Variants in KIF19 observed in about 807,000 individuals in gnomAD.
KIF19 encodes the protein kinesin-like protein KIF19.
KIF19 carries 98 observed loss-of-function variants against 106.6 expected under a neutral mutation model. That is an observed-to-expected ratio of 0.92 (90% CI 0.78 to 1.09). KIF19 has a LOEUF of 1.09. Among genes scored for constraint, KIF19 ranks in the 50% least tolerant of loss-of-function variants. The pLI is 0.00. For synonymous variants in KIF19, 516 were observed against 584.2 expected (o/e 0.88, Z 1.68); for missense variants, 1,373 against 1,414.3 (o/e 0.97, Z 0.47).
At chr17:74,344,432 A>T in intron 6 of KIF19, 84 bp downstream of exon 6, 1 of 1,541,186 alleles carries the variant, frequency 6.5e-7, no homozygotes, top group South Asian at 1.2e-5. Context: ...GAAGCCAGGG[A>T]GCTGCTCCCC....
Position 74,354,436 on chromosome 17 carries a change from T to A in KIF19, c.2583T>A (p.His861Gln), listed in dbSNP as rs1567925772. 6.2e-7 allele frequency: 1 copy of A among 1,611,070 alleles called. No homozygotes were observed. Among genetic ancestry groups the A allele is most frequent in the Middle Eastern group, 1.7e-4 (1 of 6,052 alleles). ...GEAPSRAVGH[H>Q]GDGPRPWLRG... ...CCCCGTCCCGGGCAGTCGGACATCATGGGGACGGCCCCAGGCCCTGGCTGC... is the reference window on the plus strand; with the variant it reads ...CCCCGTCCCGGGCAGTCGGACATCAAGGGGACGGCCCCAGGCCCTGGCTGC... Residue 861 changes from histidine (H) to glutamine (Q), a missense_variant, in exon 18 of 20, where the codon CAT (histidine) becomes CAA (glutamine). Coordinates refer to ENST00000389916, the MANE Select transcript of KIF19 (RefSeq NM_153209.4).
rs77990549 is a variant in KIF19 at position 74,346,471 on chromosome 17, G to C, written c.871G>C (p.Gly291Arg). ...CTGCATCAACGCCCTGAGCGACAAG[G>C]GTAGCAACAAGTACATCAACTATCG... ...GNCINALSDK[G>R]SNKYINYRDS... Residue 291 changes from glycine to arginine, a missense_variant, in exon 8 of 20, where the codon GGT (glycine) becomes CGT (arginine). This residue lies in a region of KIF19 where 1,020 missense variants were observed against 1,008.2 expected (regional missense o/e 1.01). Coordinates refer to ENST00000389916, the MANE Select transcript of KIF19 (RefSeq NM_153209.4). The surrounding 1 kb of genome is among the most constrained non-coding windows in gnomAD (Gnocchi z 4.6). 15 of 1,554,144 alleles carry C rather than the reference G, an allele frequency of 9.7e-6. No individual in the cohort carries two copies. Among genetic ancestry groups the C allele is most frequent in the Non-Finnish European group, 1.2e-5 (14 of 1,148,646 alleles).
chr17:74,352,042 G>T lies in KIF19; in HGVS notation c.1763G>T (p.Gly588Val). 1 of 1,577,324 alleles carries T rather than the reference G, an allele frequency of 6.3e-7. No individual in the cohort carries two copies. Among genetic ancestry groups the T allele is most frequent in the Middle Eastern group, 1.7e-4 (1 of 5,930 alleles). Residue 588 changes from glycine (G) to valine (V), a missense_variant, in exon 13 of 20, where the codon GGT becomes GTT. Around this residue, in one of 3 missense-constraint regions of KIF19, gnomAD observed 1,020 missense variants for 1,008.2 expected, o/e 1.01. Coordinates refer to ENST00000389916, the MANE Select transcript of KIF19 (RefSeq NM_153209.4). ...CAGTCGCACGCGCTGCTCCGCGACG[G>T]TGCGCTCCGCCACCGCCACGAGGCC... ...EMQSHALLRD[G>V]ALRHRHEAVR...
Position 74,354,939 on chromosome 17 carries a change from C to CG in KIF19, c.2866+1dup, listed in dbSNP as rs777724699. The CG allele has an allele frequency of 4.4e-6, 7 of 1,581,978 alleles. No homozygotes were observed. In the South Asian group the frequency reaches 8.1e-5, roughly 18 times the overall value. On this transcript the variant is annotated frameshift_variant and splice_region_variant, in exon 19 of 20. Transcript: ENST00000389916. LOFTEE classifies it low-confidence loss of function (END_TRUNC). ...GTCAAACTCCCTCCAAGCCAGAACACGGGTCAGTATGGGCAAGGAGGGGAT... is the reference window on the plus strand; with the variant it reads ...GTCAAACTCCCTCCAAGCCAGAACACGGGGTCAGTATGGGCAAGGAGGGGAT...
chr17:74,350,908 G>A lies in KIF19; in HGVS notation c.1587+3G>A, dbSNP rs770378759. On this transcript the variant is annotated splice_donor_region_variant and intron_variant, in intron 12 of 19. Coordinates refer to ENST00000389916, the MANE Select transcript of KIF19 (RefSeq NM_153209.4). ...AGAAGCAACTGCGCAAGCAGAAGGT[G>A]TCCAGGGTTTGGGGGGACAAGGAGA... 6.2e-7 allele frequency: 1 copy of A among 1,613,360 alleles called. No homozygotes were observed. The highest frequency in any genetic ancestry group is 8.5e-7 in the Non-Finnish European group (1 of 1,179,870).
At position 74,353,583 on chromosome 17, in the gene KIF19, T is replaced by C; in HGVS notation, c.2308+2T>C. 1.2e-6 allele frequency: 2 copies of C among 1,611,522 alleles called. No homozygotes were observed. The highest frequency in any genetic ancestry group is 1.7e-6 in the Non-Finnish European group (2 of 1,177,982). The stretch of plus-strand genomic sequence containing the variant: ...CGGAGATCCCCTTGTCCCACAAAGG[T>C]ATGTGTGCCCTCTGCTGCCCGGCCA... On this transcript the variant is annotated splice_donor_variant, in intron 17 of 19. Coordinates refer to ENST00000389916, the MANE Select transcript of KIF19 (RefSeq NM_153209.4). LOFTEE classifies it high-confidence loss of function.
At chr17:74,351,797 C>T in intron 12 of KIF19, 70 bp from the exon 13 acceptor site, 1 of 1,356,330 alleles carries the variant, frequency 7.4e-7, no homozygotes, top group Non-Finnish European at 9.4e-7. Context: ...GCTGGAGGGT[C>T]GAGGACGAGC....
At chr17:74,353,691 CA>C in intron 17 of KIF19, 110 bp downstream of exon 17, 1 of 852,702 alleles carries the variant, frequency 1.2e-6, no homozygotes, top group Non-Finnish European at 1.9e-6. Flanking sequence ...TGCAACCAAG[CA>C]TTGGGTGCTA....
intron 2 of KIF19, among the ~76,000 whole-genome samples, chr17:74,336,211 G>A (rs1201252885): frequency 6.6e-6 from 1 of 152,148 alleles, no homozygotes; most frequent in African/African-American, 2.4e-5. Context: ...TGGGACTACA[G>A]GCGTGTACCA....
chr17:74,355,078 C>A, intron 19 of KIF19, 104 bp from the exon 20 acceptor site: 1 of 1,538,566 alleles, frequency 6.5e-7, no homozygotes, highest in South Asian at 1.2e-5. Flanking sequence ...ATGGGACTGG[C>A]ATCCTGGGGT....
Position 74,354,643 on chromosome 17 carries a change from G to C in KIF19, c.2706+84G>C, listed in dbSNP as rs2054825129. 2.0e-6 allele frequency: 3 copies of C among 1,536,870 alleles called. No homozygotes were observed. In the Admixed American group the frequency reaches 5.9e-5, roughly 30 times the overall value. ...GGCTGGATTTCTCCAAAGGCTCCAG[G>C]GCACCTCTAGCCTACCCCATACCTG... is the stretch of plus-strand genomic sequence containing the variant. On this transcript the variant is annotated intron_variant, in intron 18 of 19. Transcript: ENST00000389916.
At chr17:74,344,701 C>T (rs1477165865) in intron 6 of KIF19, 60 bp from the exon 7 acceptor site, 24 of 1,535,632 alleles carry the variant, frequency 1.6e-5, no homozygotes, top group Middle Eastern at 1.8e-4. Context: ...CTCAGGGGCT[C>T]CTCTCTGCCG....
chr17:74,336,597 G>A (rs1185074364), intron 2 of KIF19, among the ~76,000 whole-genome samples: 3 of 152,248 alleles, frequency 2.0e-5, no homozygotes, highest in Non-Finnish European at 2.9e-5. Flanking sequence ...ATGAAATCTC[G>A]GGGGGACACA....
intron 10 of KIF19, among the ~76,000 whole-genome samples, chr17:74,350,089 G>A (rs2054655043): frequency 6.6e-6 from 1 of 152,180 alleles, no homozygotes; most frequent in African/African-American, 2.4e-5. Context: ...GTAAGCTACT[G>A]TGCCTGGCCA....
rs113193465 is a variant in KIF19 at position 74,342,825 on chromosome 17, C to A, written c.319+108C>A. The A allele has an allele frequency of 1.5e-4, 184 of 1,245,490 alleles. 2 individuals are homozygous for A. The African/African-American group carries it at 2.5e-3, about 17-fold the overall frequency. The allele number at this position is 1,245,490 out of a possible 1,614,324, so 77.2% of individuals were successfully genotyped here. A position where few individuals can be genotyped will look rare whatever the true frequency, so the allele number is the denominator to read the frequency against. ...GGAGCAGGAATCCAGGATGTGGTCG[C>A]TCCACATCTCACCCAGGGCCCTCCA... On this transcript the variant is annotated intron_variant, in intron 4 of 19. Transcript: ENST00000389916.
Position 74,355,529 on chromosome 17 carries a change from A to G in KIF19, c.*217A>G. ...AGAGGTGAGGCCAGGGGACATGGCC[A>G]GGACGGCTGGGCTCCCTGGCTTCCC... On this transcript the variant is annotated 3_prime_UTR_variant, in exon 20 of 20. Coordinates refer to ENST00000389916, the MANE Select transcript of KIF19 (RefSeq NM_153209.4). 1 of 570,834 alleles carries G rather than the reference A, an allele frequency of 1.8e-6. No individual in the cohort carries two copies. The highest frequency in any genetic ancestry group is 2.8e-6 in the Non-Finnish European group (1 of 351,314). The allele number at this position is 570,834 out of a possible 1,614,324, so 35.4% of individuals were successfully genotyped here.
intron 2 of KIF19, among the ~76,000 whole-genome samples, chr17:74,340,998 A>G (rs144225010): frequency 3.9e-5 from 6 of 152,220 alleles, no homozygotes; most frequent in Non-Finnish European, 7.4e-5. Context: ...GTAAGGTGGG[A>G]GTCATAGCTG....
At chr17:74,332,419 G>A (rs915440283) in intron 2 of KIF19, among the ~76,000 whole-genome samples, 5 of 152,020 alleles carry the variant, frequency 3.3e-5, no homozygotes, top group African/African-American at 1.2e-4. Context: ...AGCGTTCCAG[G>A]TGGGGGAAAA....
rs765118855 is a variant in KIF19, at chr17:74,350,584, C to G, written c.1388+9C>G. 9 of 1,612,538 alleles carry G rather than the reference C, an allele frequency of 5.6e-6. No individual in the cohort carries two copies. The African/African-American group carries it at 8.0e-5, about 14-fold the overall frequency. The stretch of plus-strand genomic sequence containing the variant: ...CTGCTCACCATCGCCGGGTAAGCCC[C>G]CCTCCCAGGACCCTCCAGGCCCCAC... On this transcript the variant is annotated intron_variant, in intron 11 of 19. Transcript: ENST00000389916.
Sources: allele counts gnomAD v4.1 joint callset (sites outside exome capture counted in the v4.1 genomes callset), GRCh38; gene constraint gnomAD v4.1.1; regional missense constraint gnomAD v4.1.1; non-coding constraint Gnocchi (gnomAD v3.1); transcripts MANE v1.5; gene names NCBI Gene and HGNC (gene_info 2026-07-23, HGNC 2026-07-21).